ZPR1: variants seen among roughly 807,000 people sequenced by gnomAD.
ZPR1 encodes ZPR1 zinc finger, also known as zinc finger protein ZPR1.
In ZPR1, 37 loss-of-function variants were observed where a neutral mutation model predicts 59.6. That is an observed-to-expected ratio of 0.62 (90% CI 0.48 to 0.82). ZPR1 has a LOEUF of 0.82. Among genes scored for constraint, ZPR1 ranks in the 40% least tolerant of loss-of-function variants. ZPR1 has a pLI of 0.00. For missense variants in ZPR1, 527 were observed against 579.9 expected (o/e 0.91, Z 0.94); for synonymous variants, 191 against 215.2 (o/e 0.89, Z 0.99).
At chr11:116,782,409 G>C (rs1455380512) in intron 11 of ZPR1, among the ~76,000 whole-genome samples, 165 bp from the exon 12 acceptor site, 1 of 152,124 alleles carries the variant, frequency 6.6e-6, no homozygotes, top group Non-Finnish European at 1.5e-5. Context: ...AGGAGTCTAT[G>C]GGATAATGTG....
rs1316452303 is a variant in ZPR1 at position 116,776,694 on chromosome 11, AC to A, written c.*2230del. 6.6e-6 allele frequency: 1 copy of A among 152,230 alleles called. No homozygotes were observed. The highest frequency in any genetic ancestry group is 6.5e-5 in the Admixed American group (1 of 15,276). 9.4% of individuals were successfully genotyped at this position (152,230 alleles called of 1,614,324 possible). ...TGGGTGGATTCTGGGAGATTGCCTC[AC>A]ACCAACCAAACTCACAAGAGATTCA... On this transcript the variant is annotated 3_prime_UTR_variant, in exon 14 of 14. Transcript: ENST00000227322.
chr11:116,785,233 G>A (rs1450985484), intron 6 of ZPR1, 87 bp from the exon 7 acceptor site: 1 of 1,459,830 alleles, frequency 6.9e-7, no homozygotes, highest in Non-Finnish European at 9.5e-7. Context: ...AAATGCTCAG[G>A]TGCCACCTCA....
rs1940716316 is a variant in ZPR1, at chr11:116,775,844, A to G, written c.*3081T>C. 1.2e-5 allele frequency: 2 copies of G among 164,304 alleles called. No individual in the cohort carries two copies. The highest frequency in any genetic ancestry group is 6.5e-5 in the Admixed American group (1 of 15,284). 10.2% of individuals were successfully genotyped at this position (164,304 alleles called of 1,614,324 possible). The stretch of plus-strand genomic sequence containing the variant: ...GCTTTTTCTCTCCACAGTTGGAAAC[A>G]CTGCCATTTGCCTTAAAAAGAAGTG... On this transcript the variant is annotated 3_prime_UTR_variant, in exon 14 of 14. Coordinates refer to ENST00000227322, the MANE Select transcript of ZPR1 (RefSeq NM_003904.5).
At chr11:116,784,189 C>T (rs150885597) in intron 9 of ZPR1, among the ~76,000 whole-genome samples, 189 bp downstream of exon 9, 27 of 152,292 alleles carry the variant, frequency 1.8e-4, no homozygotes, top group African/African-American at 6.3e-4. Flanking sequence ...GTTATAGAAT[C>T]TCTAACTTTT....
Position 116,778,783 on chromosome 11 carries a change from A to T in ZPR1, c.*142T>A, listed in dbSNP as rs1269333119. 9.7e-7 allele frequency: 1 copy of T among 1,030,722 alleles called. No individual in the cohort carries two copies. The highest frequency in any genetic ancestry group is 1.6e-5 in the African/African-American group (1 of 62,196). The allele number at this position is 1,030,722 out of a possible 1,614,324, so 63.8% of individuals were successfully genotyped here. On this transcript the variant is annotated 3_prime_UTR_variant, in exon 14 of 14. Coordinates refer to ENST00000227322, the MANE Select transcript of ZPR1 (RefSeq NM_003904.5). The stretch of plus-strand genomic sequence containing the variant: ...CAAGCTGTTTAGAAAGTGTGCACAG[A>T]TCTCTGACTCAGACCAGATGTCCTC...
In ZPR1 at chr11:116,785,633, T is replaced by C; in HGVS notation, c.586A>G (p.Ile196Val). 1 of 1,614,116 alleles carries C rather than the reference T, an allele frequency of 6.2e-7. No homozygotes were observed. Among genetic ancestry groups the C allele is most frequent in the Non-Finnish European group, 8.5e-7 (1 of 1,180,046 alleles). ...KQVASPFTLI[I>V]DDPSGNSFVE... ...AAACTGTTCCCTGAGGGATCATCAA[T>C]GATCTAACAAATGGGAGAAGAGAGA... is the stretch of plus-strand genomic sequence containing the variant. The change falls in exon 6 of 14, where the codon ATT becomes GTT. Residue 196 changes from isoleucine to valine, a missense_variant. Coordinates refer to ENST00000227322, the MANE Select transcript of ZPR1 (RefSeq NM_003904.5).
At position 116,775,768 on chromosome 11, in the gene ZPR1, C is replaced by T. The variant is rs746062593; in HGVS notation, c.*3157G>A. Reference sequence around the variant, plus strand: ...ATCCCCATTTTACAGACTAGGAAAACAAGCATTGGAAGTGCCAATACTAAA... The same window carrying T: ...ATCCCCATTTTACAGACTAGGAAAATAAGCATTGGAAGTGCCAATACTAAA... On this transcript the variant is annotated 3_prime_UTR_variant, in exon 14 of 14. Transcript: ENST00000227322. The T allele has an allele frequency of 3.7e-5, 6 of 161,922 alleles. No homozygotes were observed. The allele number at this position is 161,922 out of a possible 1,614,324, so 10.0% of individuals were successfully genotyped here. A position where few individuals can be genotyped will look rare whatever the true frequency, so the allele number is the denominator to read the frequency against.
At chr11:116,787,341 C>T (rs1565322782) in intron 2 of ZPR1, 141 bp downstream of exon 2, 7 of 869,396 alleles carry the variant, frequency 8.1e-6, no homozygotes, top group South Asian at 3.5e-5. Context: ...GATGACAACA[C>T]CAGTACCATT....
rs1335451239 is a variant in ZPR1 at position 116,783,031 on chromosome 11, T to C, written c.982-2A>G. ...GATTTCCACACTGCAAGTCTCAGAC[T>C]GTGAAATGAGAGGTCAGTTTAAGCT... On this transcript the variant is annotated splice_acceptor_variant, in intron 10 of 13. Coordinates refer to ENST00000227322, the MANE Select transcript of ZPR1 (RefSeq NM_003904.5). LOFTEE classifies it high-confidence loss of function. The C allele has an allele frequency of 6.2e-7, 1 of 1,612,264 alleles. No individual in the cohort carries two copies. Among genetic ancestry groups the C allele is most frequent in the Non-Finnish European group, 8.5e-7 (1 of 1,178,288 alleles).
At position 116,778,415 on chromosome 11, in the gene ZPR1, G is replaced by T. The variant is rs111732554; in HGVS notation, c.*510C>A. ...TTCTAACAGCATGATATCAAACAAG[G>T]ATAGGGTCAATACAGAGGCCAGTGC... On this transcript the variant is annotated 3_prime_UTR_variant, in exon 14 of 14. Coordinates refer to ENST00000227322, the MANE Select transcript of ZPR1 (RefSeq NM_003904.5). 6.6e-6 allele frequency: 1 copy of T among 152,642 alleles called. No individual in the cohort carries two copies. Among genetic ancestry groups the T allele is most frequent in the Non-Finnish European group, 1.5e-5 (1 of 68,344 alleles). The allele number at this position is 152,642 out of a possible 1,614,324, so 9.5% of individuals were successfully genotyped here. A position where few individuals can be genotyped will look rare whatever the true frequency, so the allele number is the denominator to read the frequency against.
Position 116,785,646 on chromosome 11 carries a change from G to A in ZPR1, c.583-10C>T, listed in dbSNP as rs768729837. On this transcript the variant is annotated splice_polypyrimidine_tract_variant and intron_variant, in intron 5 of 13. Transcript: ENST00000227322. ...AGGGATCATCAATGATCTAACAAAT[G>A]GGAGAAGAGAGAGTCACTGCAAAAG... The A allele has an allele frequency of 1.9e-6, 3 of 1,613,928 alleles. No homozygotes were observed. The highest frequency in any genetic ancestry group is 2.5e-6 in the Non-Finnish European group (3 of 1,180,010).
rs1448643423 is a variant in ZPR1, at chr11:116,787,655, G to A, written c.172-12C>T. ...AGGCGCGTCATGCCCTGGTGAAGTA[G>A]AAAGTAGCTAAGGAAAAAAATCAAT... On this transcript the variant is annotated splice_polypyrimidine_tract_variant and intron_variant, in intron 1 of 13. Transcript: ENST00000227322. 2.5e-6 allele frequency: 4 copies of A among 1,603,328 alleles called. No individual in the cohort carries two copies. Among genetic ancestry groups the A allele is most frequent in the Non-Finnish European group, 3.4e-6 (4 of 1,171,360 alleles).
intron 12 of ZPR1, among the ~76,000 whole-genome samples, chr11:116,780,140 A>G (rs1376695921): frequency 2.0e-5 from 3 of 151,426 alleles, no homozygotes; most frequent in Non-Finnish European, 2.9e-5. Flanking sequence ...AACCAACCCA[A>G]TTTATATTAC....
In ZPR1 at chr11:116,785,570, G is replaced by A. The variant is rs1591309640; in HGVS notation, c.649C>T (p.Leu217=). The A allele has an allele frequency of 6.2e-7, 1 of 1,614,138 alleles. No individual in the cohort carries two copies. Among genetic ancestry groups the A allele is most frequent in the East Asian group, 2.2e-5 (1 of 44,872 alleles). The change falls in exon 6 of 14, where the codon CTG becomes TTG. Residue 217 remains leucine, a synonymous_variant. Coordinates refer to ENST00000227322, the MANE Select transcript of ZPR1 (RefSeq NM_003904.5). ...NPHAPQKDDA[L]VITHYNRTRQ... is the part of the protein sequence containing the mutation. ...GTCCGGTTGTAGTGTGTGATCACCA[G>A]GGCATCATCTTTCTGAGGAGCATGT...
rs189713991 is a variant in ZPR1 at position 116,784,880 on chromosome 11, G to A, written c.795C>T (p.Pro265=). Residue 265 remains proline (P), a synonymous_variant, in exon 8 of 14, where the codon CCC becomes CCT. Transcript: ENST00000227322. ...FSTNCPECNA[P]AQTNMKLVQI... ...GTACTAGCTTCATGTTGGTCTGAGC[G>A]GGGGCATTGCATTCTGGGCAGTTTG... 9.9e-5 allele frequency: 159 copies of A among 1,614,186 alleles called. No homozygotes were observed. The highest frequency in any genetic ancestry group is 2.3e-4 in the Admixed American group (14 of 60,026).
Position 116,787,072 on chromosome 11 carries a change from GAATACGTTC to G in ZPR1, c.334-22_334-14del. The stretch of plus-strand genomic sequence containing the variant: ...CTCTGTTCATGTCCTGGGAAGAAAA[GAATACGTTC>G]AGTACAAAGAGACTGCAGAACAGCT... On this transcript the variant is annotated splice_polypyrimidine_tract_variant and intron_variant, in intron 2 of 13. Coordinates refer to ENST00000227322, the MANE Select transcript of ZPR1 (RefSeq NM_003904.5). The G allele has an allele frequency of 6.2e-7, 1 of 1,608,632 alleles. No individual in the cohort carries two copies. Among genetic ancestry groups the G allele is most frequent in the Non-Finnish European group, 8.5e-7 (1 of 1,174,980 alleles).
Position 116,785,187 on chromosome 11 carries a change from C to T in ZPR1, c.706-41G>A, listed in dbSNP as rs376290680. On this transcript the variant is annotated intron_variant, in intron 6 of 13. Coordinates refer to ENST00000227322, the MANE Select transcript of ZPR1 (RefSeq NM_003904.5). Reference sequence around the variant, plus strand: ...TGCAGGTCGCAAGTTGGCAGGTATACCTCAGTGTCCCCAACACCCTGCCCT... The same window carrying T: ...TGCAGGTCGCAAGTTGGCAGGTATATCTCAGTGTCCCCAACACCCTGCCCT... 2.5e-6 allele frequency: 4 copies of T among 1,609,292 alleles called. No individual in the cohort carries two copies. The African/African-American group carries it at 5.3e-5, about 22-fold the overall frequency.
chr11:116,786,169 A>G (rs2134198061), intron 4 of ZPR1, among the ~76,000 whole-genome samples: 1 of 152,332 alleles, frequency 6.6e-6, no homozygotes, highest in Non-Finnish European at 1.5e-5. Context: ...TCCCCAACCA[A>G]TTAAGGAGAC....
rs2160669 is a variant in ZPR1, at chr11:116,776,891, C to T, written c.*2034G>A. 139,334 of 152,318 alleles carry T rather than the reference C, an allele frequency of 0.91. 63,919 individuals are homozygous for T. The highest frequency in any genetic ancestry group is 0.94 in the African/African-American group (39,128 of 41,548). The allele number at this position is 152,318 out of a possible 1,614,324, so 9.4% of individuals were successfully genotyped here. A position where few individuals can be genotyped will look rare whatever the true frequency, so the allele number is the denominator to read the frequency against. ...GATTCCCAAGTCAGCTGGAAACATA[C>T]CTAGAGATAATCTCTTAGGGTAGAA... On this transcript the variant is annotated 3_prime_UTR_variant, in exon 14 of 14. Transcript: ENST00000227322.
Sources: gnomAD v4.1 joint callset for allele counts (sites outside exome capture counted in the v4.1 genomes callset) on GRCh38, gnomAD v4.1.1 for gene constraint, MANE v1.5 for transcripts, NCBI Gene and HGNC (gene_info 2026-07-23, HGNC 2026-07-21) for gene names.